The following PDXK variants were observed in gnomAD, a reference collection of about 807,000 sequenced individuals.
PDXK encodes the protein epididymis secretory sperm binding protein Li 1a.
A neutral mutation model predicts 43.2 loss-of-function variants in PDXK; 15 were observed. The observed-to-expected ratio is 0.35, with a 90% CI of 0.23 to 0.53. The LOEUF is 0.53. PDXK is among the 20% of genes least tolerant of loss of function. PDXK has a pLI of 0.92. For synonymous variants in PDXK, 172 were observed against 165.4 expected (o/e 1.04, Z -0.31); for missense variants, 343 against 417.0 (o/e 0.82, Z 1.54).
rs1275597979 is a variant in PDXK, at chr21:43,732,278, C to T, written c.88-1791C>T. ...AGGACATGTGTAACAGCAGGAGATA[C>T]CTTTCTCTGGGGTCCCAGGCTCCCG... is the stretch of plus-strand genomic sequence containing the variant. On this transcript the variant is annotated intron_variant, in intron 1 of 10. Coordinates refer to ENST00000291565, the MANE Select transcript of PDXK (RefSeq NM_003681.5). The surrounding 1 kb of genome is among the most constrained non-coding windows in gnomAD (Gnocchi z 4.1). The T allele has an allele frequency of 6.5e-7, 1 of 1,544,938 alleles. No individual in the cohort carries two copies. Among genetic ancestry groups the T allele is most frequent in the Non-Finnish European group, 8.7e-7 (1 of 1,148,268 alleles).
rs1231506604 is a variant in PDXK, at chr21:43,734,820, CAGG to C, written c.142+700_142+702del. Among the ~76,000 whole-genome samples the C allele has an allele frequency of 6.6e-6, 1 of 152,156 alleles. No homozygotes were observed. On this transcript the variant is annotated intron_variant, in intron 2 of 10. Coordinates refer to ENST00000291565, the MANE Select transcript of PDXK (RefSeq NM_003681.5). This position sits in a 1 kb window ranked among gnomAD's most constrained non-coding sequence, Gnocchi z 5.0. ...TGTGGTTTCTATACTGCTTCGTCGGCAGGAGAACAAAGCTGTTCTGTTCTTTGA... is the reference window on the plus strand; with the variant it reads ...TGTGGTTTCTATACTGCTTCGTCGGCAGAACAAAGCTGTTCTGTTCTTTGA...
At position 43,746,130 on chromosome 21, in the gene PDXK, G is replaced by A. The variant is rs1257003387; in HGVS notation, c.378+5G>A. The A allele has an allele frequency of 6.2e-7, 1 of 1,609,236 alleles. No individual in the cohort carries two copies. Among genetic ancestry groups the A allele is most frequent in the African/African-American group, 1.3e-5 (1 of 74,856 alleles). On this transcript the variant is annotated splice_donor_5th_base_variant and intron_variant, in intron 5 of 10. Transcript: ENST00000291565. ...TGGGACGGCGAAGGCTCGATGGTGA[G>A]TAGTTTCACGTGTGTGATTTAAAAG...
intron 1 of PDXK, chr21:43,721,941 C>T (rs934448469): frequency 1.3e-5 from 2 of 152,404 alleles, no homozygotes; most frequent in African/African-American, 4.8e-5. Context: ...AAGGAGGGAA[C>T]ATGTTGGCAT....
intron 1 of PDXK, among the ~76,000 whole-genome samples, chr21:43,725,879 G>A (rs1051328265): frequency 7.2e-5 from 11 of 152,046 alleles, no homozygotes; most frequent in African/African-American, 2.7e-4. Context: ...TCCTTCCTCC[G>A]GTGGCCCGCA....
chr21:43,721,310 T>G (rs540110750), intron 1 of PDXK, among the ~76,000 whole-genome samples: 6 of 152,386 alleles, frequency 3.9e-5, no homozygotes, highest in African/African-American at 1.4e-4. Context: ...GAGCTGCTCT[T>G]GCAAGAGTTT....
Position 43,732,206 on chromosome 21 carries a change from C to T in PDXK, c.88-1863C>T. 1 of 1,436,478 alleles carries T rather than the reference C, an allele frequency of 7.0e-7. No homozygotes were observed. The highest frequency in any genetic ancestry group is 1.5e-5 in the South Asian group (1 of 66,714). The allele number at this position is 1,436,478 out of a possible 1,614,324, so 89.0% of individuals were successfully genotyped here. The stretch of plus-strand genomic sequence containing the variant: ...AGGGAGCCACTGCTGTACAGAGATG[C>T]CAATTCCAGAGGCATGGTCCGGCAC... On this transcript the variant is annotated intron_variant, in intron 1 of 10. Transcript: ENST00000291565. This position sits in a 1 kb window ranked among gnomAD's most constrained non-coding sequence, Gnocchi z 4.1.
Position 43,719,330 on chromosome 21 carries a change from C to A in PDXK, c.36C>A (p.Ser12Arg). 3.3e-6 allele frequency: 5 copies of A among 1,523,728 alleles called. No individual in the cohort carries two copies. The highest frequency in any genetic ancestry group is 4.4e-6 in the Non-Finnish European group (5 of 1,136,954). The allele number at this position is 1,523,728 out of a possible 1,614,324, so 94.4% of individuals were successfully genotyped here. ...AGTGCCGGGTGCTCTCCATACAGAGCCACGTCATCCGCGGCTACGTGGGCA... is the reference window on the plus strand; with the variant it reads ...AGTGCCGGGTGCTCTCCATACAGAGACACGTCATCCGCGGCTACGTGGGCA... ...EEECRVLSIQ[S>R]HVIRGYVGNR... is the part of the protein sequence containing the mutation. Residue 12 changes from serine (S) to arginine (R), a missense_variant, in exon 1 of 11, where the codon AGC becomes AGA. Physicochemically the swap from Ser to Arg is moderately radical, Grantham distance 110. Transcript: ENST00000291565.
rs934777207 is a variant in PDXK, at chr21:43,737,788, G to A, written c.142+3665G>A. 4 of 985,460 alleles carry A rather than the reference G, an allele frequency of 4.1e-6. No homozygotes were observed. In the African/African-American group the frequency reaches 7.0e-5, roughly 17 times the overall value. 61.0% of individuals were successfully genotyped at this position (985,460 alleles called of 1,614,324 possible). ...CCTGGCCGGCTGGGATCTGACAGGA[G>A]TGCCAGGCTCCTTGGGCCGCCCGAG... On this transcript the variant is annotated intron_variant, in intron 2 of 10. Transcript: ENST00000291565. This position sits in a 1 kb window ranked among gnomAD's most constrained non-coding sequence, Gnocchi z 4.8.
intron 1 of PDXK, among the ~76,000 whole-genome samples, chr21:43,725,137 C>T (rs922778126): frequency 3.9e-5 from 6 of 152,066 alleles, no homozygotes; most frequent in Admixed American, 2.6e-4. Flanking sequence ...GTCTGGCTAA[C>T]ACGGTAAAAC....
In PDXK at chr21:43,735,981, G is replaced by C. The variant is rs1260864627; in HGVS notation, c.142+1858G>C. Among the ~76,000 whole-genome samples the C allele has an allele frequency of 6.6e-6, 1 of 152,276 alleles. No homozygotes were observed. The highest frequency in any genetic ancestry group is 2.1e-4 in the South Asian group (1 of 4,818). On this transcript the variant is annotated intron_variant, in intron 2 of 10. Transcript: ENST00000291565. The surrounding 1 kb of genome is among the most constrained non-coding windows in gnomAD (Gnocchi z 5.3). Reference sequence around the variant, plus strand: ...ACGGGAGCTGGTGGTCAAGACGGGGGACTCGGCCTCCTCCGTGCAGCCCCT... The same window carrying C: ...ACGGGAGCTGGTGGTCAAGACGGGGCACTCGGCCTCCTCCGTGCAGCCCCT...
At position 43,719,306 on chromosome 21, in the gene PDXK, G is replaced by C. The variant is rs1330041288; in HGVS notation, c.12G>C (p.Glu4Asp). 2 of 1,490,148 alleles carry C rather than the reference G, an allele frequency of 1.3e-6. No homozygotes were observed. Among genetic ancestry groups the C allele is most frequent in the Non-Finnish European group, 1.8e-6 (2 of 1,120,230 alleles). The allele number at this position is 1,490,148 out of a possible 1,614,324, so 92.3% of individuals were successfully genotyped here. A position where few individuals can be genotyped will look rare whatever the true frequency, so the allele number is the denominator to read the frequency against. Reference sequence around the variant, plus strand: ...CGGCCAGGCCCGGCATGGAGGAGGAGTGCCGGGTGCTCTCCATACAGAGCC... The same window carrying C: ...CGGCCAGGCCCGGCATGGAGGAGGACTGCCGGGTGCTCTCCATACAGAGCC... MEE[E>D]CRVLSIQSHV... is the part of the protein sequence containing the mutation. Residue 4 changes from glutamate (E) to aspartate (D), a missense_variant, in exon 1 of 11, where the codon GAG (glutamate) becomes GAC (aspartate). By Grantham distance (45) the Glu-to-Asp change is conservative. Coordinates refer to ENST00000291565, the MANE Select transcript of PDXK (RefSeq NM_003681.5).
rs1242644192 is a variant in PDXK at position 43,730,567 on chromosome 21, A to T, written c.88-3502A>T. Among the ~76,000 whole-genome samples the T allele has an allele frequency of 2.6e-5, 4 of 152,240 alleles. 1 individual carries two copies. The highest frequency in any genetic ancestry group is 5.9e-5 in the Non-Finnish European group (4 of 68,036). ...TAGCGTTCTTCCCTCCAGACACAAT[A>T]GACACAAATAGCTGAGTAGACAACA... is the stretch of plus-strand genomic sequence containing the variant. On this transcript the variant is annotated intron_variant, in intron 1 of 10. Coordinates refer to ENST00000291565, the MANE Select transcript of PDXK (RefSeq NM_003681.5).
chr21:43,750,600 C>T (rs946908148), intron 7 of PDXK, 55 bp downstream of exon 7: 35 of 1,430,316 alleles, frequency 2.4e-5, no homozygotes, highest in Admixed American at 5.4e-5. Flanking sequence ...ACGGTGGGGA[C>T]GGGAGACAGG....
intron 2 of PDXK, 38 bp from the exon 3 acceptor site, chr21:43,741,629 C>T (rs1359472269): frequency 6.2e-7 from 1 of 1,601,672 alleles, no homozygotes; most frequent in Admixed American, 1.7e-5. Context: ...CAGCTGGCCC[C>T]CTTGTGTCTG....
intron 1 of PDXK, among the ~76,000 whole-genome samples, chr21:43,725,343 G>T (rs2083243673): frequency 1.3e-5 from 2 of 151,926 alleles, no homozygotes; most frequent in South Asian, 4.2e-4. Context: ...CAAAACACCT[G>T]GTGTTTTGAA....
chr21:43,756,841 A>G lies in PDXK; in HGVS notation c.*778A>G, dbSNP rs910224360. 3.9e-5 allele frequency: 6 copies of G among 152,322 alleles called. No homozygotes were observed. The highest frequency in any genetic ancestry group is 1.4e-4 in the African/African-American group (6 of 41,456). The allele number at this position is 152,322 out of a possible 1,614,324, so 9.4% of individuals were successfully genotyped here. A position where few individuals can be genotyped will look rare whatever the true frequency, so the allele number is the denominator to read the frequency against. On this transcript the variant is annotated 3_prime_UTR_variant, in exon 11 of 11. Coordinates refer to ENST00000291565, the MANE Select transcript of PDXK (RefSeq NM_003681.5). ...GCAGTAAGGTCTGTGCTGGGCCAAG[A>G]GCAGCTTTGAAGCTCCAGAGAACCA...
At chr21:43,731,856 C>G (rs539506794) in intron 1 of PDXK, among the ~76,000 whole-genome samples, 1 of 152,200 alleles carries the variant, frequency 6.6e-6, no homozygotes, top group African/African-American at 2.4e-5. Context: ...ACACTGGTGT[C>G]GTGGAGGAGA....
At chr21:43,744,898 G>A (rs376205410) in intron 4 of PDXK, among the ~76,000 whole-genome samples, 4 of 152,308 alleles carry the variant, frequency 2.6e-5, no homozygotes, top group East Asian at 3.8e-4. Context: ...CAAAGTGTCC[G>A]TACATACAAT....
chr21:43,728,427 C>G (rs2299805), intron 1 of PDXK, among the ~76,000 whole-genome samples: 102,002 of 152,020 alleles, frequency 0.67, 34,486 homozygotes, highest in South Asian at 0.83. Flanking sequence ...TTCTGTGCAG[C>G]GCTCACCCTG....
Sources: allele counts gnomAD v4.1 joint callset (sites outside exome capture counted in the v4.1 genomes callset), GRCh38; gene constraint gnomAD v4.1.1; non-coding constraint Gnocchi (gnomAD v3.1); transcripts MANE v1.5; gene names NCBI Gene and HGNC (gene_info 2026-07-23, HGNC 2026-07-21).